Variants in NUP210 observed in about 807,000 individuals in gnomAD.
NUP210 encodes nucleoporin 210, also known as nuclear pore membrane glycoprotein 210.
Under a neutral mutation model 196.0 loss-of-function variants are expected in NUP210, and 151 were observed. The ratio of observed to expected loss-of-function variants is 0.77; its 90% CI spans 0.67 to 0.88. The LOEUF is 0.88. Among genes scored for constraint, NUP210 ranks in the 40% least tolerant of loss-of-function variants. NUP210 has a pLI of 0.00. For missense variants in NUP210, 2,314 were observed against 2,493.7 expected, an observed-to-expected ratio of 0.93 and a Z score of 1.53; for synonymous variants, 1,070 against 1,052.7, an observed-to-expected ratio of 1.02 and a Z score of -0.32.
At chr3:13,325,663 A>G (rs1696718283) in intron 33 of NUP210, 132 bp downstream of exon 33, 1 of 1,042,416 alleles carries the variant, frequency 9.6e-7, no homozygotes, top group Non-Finnish European at 1.4e-6. Context: ...CCAGTCCCAG[A>G]CTCATGACTC....
At chr3:13,403,533 G>T (rs1699908900) in intron 1 of NUP210, among the ~76,000 whole-genome samples, 1 of 152,182 alleles carries the variant, frequency 6.6e-6, no homozygotes. Context: ...ATGAGTCTGA[G>T]GGGACACAGA....
chr3:13,372,090 T>G, intron 12 of NUP210, 58 bp from the exon 13 acceptor site: 3 of 1,438,942 alleles, frequency 2.1e-6, no homozygotes, highest in Non-Finnish European at 2.8e-6. Flanking sequence ...GCAGGGCCTG[T>G]TGCTCGGATA....
Position 13,336,648 on chromosome 3 carries a change from G to A in NUP210, c.3684+139C>T, listed in dbSNP as rs988394670. The A allele has an allele frequency of 4.5e-6, 4 of 881,316 alleles. No homozygotes were observed. The African/African-American group carries it at 5.0e-5, about 11-fold the overall frequency. The allele number at this position is 881,316 out of a possible 1,614,324, so 54.6% of individuals were successfully genotyped here. On this transcript the variant is annotated intron_variant, in intron 27 of 39. Transcript: ENST00000254508. ...GGAGTCCCGATGAGCCTCGGGAGAG[G>A]GAAGAAAGTGGGCGGGCCTCTCTAG...
At chr3:13,386,470 G>A in intron 5 of NUP210, 63 bp from the exon 6 acceptor site, 1 of 1,582,900 alleles carries the variant, frequency 6.3e-7, no homozygotes. Flanking sequence ...GTGGTGGTGT[G>A]AGCAAGAGAA....
At position 13,326,151 on chromosome 3, in the gene NUP210, C is replaced by A. The variant is rs1485845394; in HGVS notation, c.4508-220G>T. ...CATCAGCTCTCCTACCCTGCTGCAC[C>A]CGCCCTCTACAGGGCTGTGGCCCCT... On this transcript the variant is annotated intron_variant, in intron 32 of 39. Coordinates refer to ENST00000254508, the MANE Select transcript of NUP210 (RefSeq NM_024923.4). Among the ~76,000 whole-genome samples, 3 of 152,256 alleles carry A rather than the reference C, an allele frequency of 2.0e-5. No homozygotes were observed. The East Asian group carries it at 5.8e-4, about 29-fold the overall frequency.
chr3:13,322,380 T>A (rs1279990301), intron 34 of NUP210, 41 bp from the exon 35 acceptor site: 3 of 1,606,642 alleles, frequency 1.9e-6, no homozygotes, highest in Non-Finnish European at 2.6e-6. Flanking sequence ...CCAGGCCCGA[T>A]GGCCACCACA....
At position 13,322,274 on chromosome 3, in the gene NUP210, G is replaced by A; in HGVS notation, c.4834C>T (p.Gln1612Ter). The change falls in exon 35 of 40, where the codon CAG (glutamine) becomes TAG (stop). Residue 1612 changes from glutamine (Q) to a stop codon, truncating the protein, a stop_gained. Coordinates refer to ENST00000254508, the MANE Select transcript of NUP210 (RefSeq NM_024923.4). LOFTEE classifies it high-confidence loss of function. Reference sequence around the variant, plus strand: ...AAGACGGCCGGCTTGAACTGGGACTGGCAGCTGATGAGGGTCTCTGGGTGC... The same window carrying A: ...AAGACGGCCGGCTTGAACTGGGACTAGCAGCTGATGAGGGTCTCTGGGTGC... ...ALHPETLISC[Q>*]SQFKPAVFDF... The A allele has an allele frequency of 2.5e-6, 4 of 1,614,230 alleles. No individual in the cohort carries two copies. The highest frequency in any genetic ancestry group is 3.4e-6 in the Non-Finnish European group (4 of 1,180,028).
At chr3:13,371,093 C>T (rs1467085511) in intron 13 of NUP210, among the ~76,000 whole-genome samples, 2 of 152,250 alleles carry the variant, frequency 1.3e-5, no homozygotes, top group Admixed American at 6.5e-5. Flanking sequence ...TTCAATAGTT[C>T]ACCTGTCCTT....
intron 1 of NUP210, among the ~76,000 whole-genome samples, chr3:13,410,510 G>A (rs1269306055): frequency 1.3e-5 from 2 of 151,144 alleles, no homozygotes; most frequent in East Asian, 4.1e-4. Context: ...ACTGGGCCAG[G>A]CATGGTGGCT....
In NUP210 at chr3:13,337,914, G is replaced by A. The variant is rs200578568; in HGVS notation, c.3475C>T (p.Leu1159Phe). The change falls in exon 26 of 40, where the codon CTC becomes TTC. Residue 1159 changes from leucine to phenylalanine, a missense_variant. Physicochemically the swap from Leu to Phe is conservative, Grantham distance 22. Transcript: ENST00000254508. ...TGKVVIISQDLVQVEVLLLRA... is the reference protein window; with the variant it reads ...TGKVVIISQDFVQVEVLLLRA... ...AGCAGCAGCACCTCCACCTGCACGA[G>A]GTCCTGGGGAAACAGGGTGGCACTT... The A allele has an allele frequency of 1.2e-5, 19 of 1,612,500 alleles. No homozygotes were observed. The highest frequency in any genetic ancestry group is 1.3e-5 in the African/African-American group (1 of 74,934).
intron 1 of NUP210, among the ~76,000 whole-genome samples, chr3:13,412,899 AG>A (rs1442487043): frequency 6.6e-6 from 1 of 151,818 alleles, no homozygotes; most frequent in Non-Finnish European, 1.5e-5. Flanking sequence ...TGAACCCAGG[AG>A]GCGGAGCTTG....
At chr3:13,320,069 C>T (rs1696458296) in intron 36 of NUP210, 90 bp from the exon 37 acceptor site, 7 of 1,148,942 alleles carry the variant, frequency 6.1e-6, no homozygotes, top group Non-Finnish European at 8.8e-6. Context: ...GGGAGGGCTG[C>T]TCTGCATGGC....
At chr3:13,398,026 T>TA (rs1186751731) in intron 2 of NUP210, among the ~76,000 whole-genome samples, 3 of 152,238 alleles carry the variant, frequency 2.0e-5, no homozygotes, top group African/African-American at 7.2e-5. Flanking sequence ...AGTGTAAGGA[T>TA]AGCAGCAAGA....
intron 1 of NUP210, among the ~76,000 whole-genome samples, chr3:13,413,262 T>C (rs1192413623): frequency 6.6e-6 from 1 of 151,136 alleles, no homozygotes; most frequent in African/African-American, 2.4e-5. Context: ...GGTCAGGAGA[T>C]CGAGACCATC....
intron 14 of NUP210, among the ~76,000 whole-genome samples, chr3:13,362,478 C>T (rs1698402831): frequency 6.6e-6 from 1 of 152,210 alleles, no homozygotes; most frequent in Non-Finnish European, 1.5e-5. Flanking sequence ...GACTTCCCAG[C>T]TCCTAAACTG....
At chr3:13,360,139 T>C in intron 15 of NUP210, 131 bp downstream of exon 15, 1 of 775,718 alleles carries the variant, frequency 1.3e-6, no homozygotes, top group Non-Finnish European at 2.1e-6. Context: ...AGTTTGCCTG[T>C]CTGTAAAATG....
At chr3:13,398,803 G>T (rs61197244) in intron 2 of NUP210, among the ~76,000 whole-genome samples, 34,560 of 151,972 alleles carry the variant, frequency 0.23, 6,293 homozygotes, top group African/African-American at 0.51. Context: ...ATGCACCTGT[G>T]GTGGTCCCAG....
intron 6 of NUP210, among the ~76,000 whole-genome samples, chr3:13,381,969 T>C (rs1451863405): frequency 6.6e-6 from 1 of 152,136 alleles, no homozygotes; most frequent in African/African-American, 2.4e-5. Context: ...CCTCAGCCCC[T>C]GCTCAAGCAG....
At chr3:13,388,047 T>C (rs2124931779) in intron 5 of NUP210, among the ~76,000 whole-genome samples, 1 of 152,216 alleles carries the variant, frequency 6.6e-6, no homozygotes, top group African/African-American at 2.4e-5. Flanking sequence ...TGGACCTCCC[T>C]AGAAACTAAG....
Sources: gnomAD v4.1 joint callset for allele counts (sites outside exome capture counted in the v4.1 genomes callset) on GRCh38, gnomAD v4.1.1 for gene constraint, MANE v1.5 for transcripts, NCBI Gene and HGNC (gene_info 2026-07-23, HGNC 2026-07-21) for gene names.